MUC5B: variants seen among roughly 807,000 people sequenced by gnomAD.
MUC5B encodes mucin-5B.
A neutral mutation model predicts 376.9 loss-of-function variants in MUC5B; 116 were observed. That is an observed-to-expected ratio of 0.31 (90% CI 0.26 to 0.36). The LOEUF (loss-of-function observed/expected upper bound fraction) is 0.36. Ranked by LOEUF, MUC5B falls within the 10% of genes least tolerant of loss-of-function variation. MUC5B has a pLI of 1.00. For missense variants in MUC5B, 7,165 were observed against 7,769.9 expected, an observed-to-expected ratio of 0.92 and a Z score of 2.93; for synonymous variants, 3,517 against 3,390.9, an observed-to-expected ratio of 1.04 and a Z score of -1.29.
rs1861793438 is a variant in MUC5B at position 1,223,121 on chromosome 11, A to G, written c.-3A>G. 1 of 593,468 alleles carries G rather than the reference A, an allele frequency of 1.7e-6. No individual in the cohort carries two copies. Among genetic ancestry groups the G allele is most frequent in the Non-Finnish European group, 3.1e-6 (1 of 317,626 alleles). The allele number at this position is 593,468 out of a possible 1,614,324, so 36.8% of individuals were successfully genotyped here. A position where few individuals can be genotyped will look rare whatever the true frequency, so the allele number is the denominator to read the frequency against. On this transcript the variant is annotated 5_prime_UTR_variant, in exon 1 of 49. Transcript: ENST00000529681. The stretch of plus-strand genomic sequence containing the variant: ...CGTCCCCCCACCCGTGCCAGCCCCC[A>G]GGATGGGTGCCCCGAGCGCGTGCCG...
rs1862486176 is a variant in MUC5B at position 1,246,798 on chromosome 11, C to A, written c.9918C>A (p.Thr3306=). ...PSSTPGTAHT[T]KVPTTTTTGF... is the part of the protein sequence containing the mutation. Reference sequence around the variant, plus strand: ...CCACCCCAGGAACAGCTCACACTACCAAAGTGCCGACTACCACAACCACGG... The same window carrying A: ...CCACCCCAGGAACAGCTCACACTACAAAAGTGCCGACTACCACAACCACGG... Residue 3306 remains threonine, a synonymous_variant, in exon 31 of 49, where the codon ACC becomes ACA. Transcript: ENST00000529681. The A allele has an allele frequency of 2.5e-6, 4 of 1,607,736 alleles. No individual in the cohort carries two copies. Among genetic ancestry groups the A allele is most frequent in the Middle Eastern group, 1.7e-4 (1 of 5,912 alleles).
In MUC5B at chr11:1,250,880, C is replaced by G. The variant is rs766268373; in HGVS notation, c.14000C>G (p.Pro4667Arg). 2.6e-5 allele frequency: 42 copies of G among 1,591,976 alleles called. No homozygotes were observed. Among genetic ancestry groups the G allele is most frequent in the Non-Finnish European group, 3.6e-5 (42 of 1,169,254 alleles). The part of the protein sequence containing the change: ...TTVATGSMAT[P>R]SSSTQTSGTP... ...GTGGCCACTGGTTCTATGGCAACAC[C>G]CTCCTCTAGCACACAGACCAGTGGT... The change falls in exon 31 of 49, where the codon CCC (proline) becomes CGC (arginine). Residue 4667 changes from proline (P) to arginine (R), a missense_variant. Pro to Arg is a moderately radical substitution (Grantham distance 103). Coordinates refer to ENST00000529681, the MANE Select transcript of MUC5B (RefSeq NM_002458.3).
intron 11 of MUC5B, 139 bp downstream of exon 11, chr11:1,230,282 G>A: frequency 7.7e-7 from 1 of 1,298,304 alleles, no homozygotes; most frequent in Non-Finnish European, 1.1e-6. Context: ...TCCCCATGAT[G>A]GTCATAGAGG....
In MUC5B at chr11:1,245,087, C is replaced by T; in HGVS notation, c.8207C>T (p.Ser2736Phe). 1 of 1,542,510 alleles carries T rather than the reference C, an allele frequency of 6.5e-7. No individual in the cohort carries two copies. Among genetic ancestry groups the T allele is most frequent in the South Asian group, 1.2e-5 (1 of 83,800 alleles). Residue 2736 changes from serine to phenylalanine, a missense_variant, in exon 31 of 49, where the codon TCC becomes TTC. By Grantham distance (155) the Ser-to-Phe change is radical. Coordinates refer to ENST00000529681, the MANE Select transcript of MUC5B (RefSeq NM_002458.3). ...GCCACCAGCAGCACAGTGACTCCCT[C>T]CTCTGCCCTAGGGACCACCCACACA... ...PAATSSTVTP[S>F]SALGTTHTPP...
intron 34 of MUC5B, 101 bp from the exon 35 acceptor site, chr11:1,254,593 G>A (rs1460806713): frequency 7.6e-7 from 1 of 1,311,968 alleles, no homozygotes; most frequent in Non-Finnish European, 1.0e-6. Flanking sequence ...GGATACACAG[G>A]GGGGTCTCTG....
rs1220570310 is a variant in MUC5B at position 1,241,148 on chromosome 11, G to A, written c.4268G>A (p.Arg1423Gln). ...CCGCTCTGTCACGACTACGAGCTGC[G>A]GGTTCTCTGCTGCGAATACGTGCCC... ...SPPLCHDYEL[R>Q]VLCCEYVPCG... is the part of the protein sequence containing the mutation. Residue 1423 changes from arginine (R) to glutamine (Q), a missense_variant, in exon 31 of 49, where the codon CGG (arginine) becomes CAG (glutamine). By Grantham distance (43) the Arg-to-Gln change is conservative (BLOSUM62 1). Around this residue, in one of 31 missense-constraint regions of MUC5B, gnomAD observed 517 missense variants for 545.3 expected, o/e 0.95. Coordinates refer to ENST00000529681, the MANE Select transcript of MUC5B (RefSeq NM_002458.3). 1.9e-6 allele frequency: 3 copies of A among 1,608,164 alleles called. No individual in the cohort carries two copies. Among genetic ancestry groups the A allele is most frequent in the Non-Finnish European group, 2.5e-6 (3 of 1,177,586 alleles).
chr11:1,234,308 G>A lies in MUC5B; in HGVS notation c.2478+3G>A, dbSNP rs1261306492. ...GCCACACGCTGGACGTGGGCTGTGTGAGTTCCATGCTTCAGGGAGGGGTGG... is the reference window on the plus strand; with the variant it reads ...GCCACACGCTGGACGTGGGCTGTGTAAGTTCCATGCTTCAGGGAGGGGTGG... On this transcript the variant is annotated splice_donor_region_variant and intron_variant, in intron 20 of 48. Transcript: ENST00000529681. The surrounding 1 kb of genome is among the most constrained non-coding windows in gnomAD (Gnocchi z 6.3). The A allele has an allele frequency of 2.0e-6, 3 of 1,529,314 alleles. No homozygotes were observed. Among genetic ancestry groups the A allele is most frequent in the Admixed American group, 1.7e-5 (1 of 58,470 alleles). The allele number at this position is 1,529,314 out of a possible 1,614,324, so 94.7% of individuals were successfully genotyped here. A position where few individuals can be genotyped will look rare whatever the true frequency, so the allele number is the denominator to read the frequency against.
chr11:1,253,729 T>G lies in MUC5B; in HGVS notation c.15218-363T>G, dbSNP rs1590190662. On this transcript the variant is annotated intron_variant, in intron 33 of 48. Coordinates refer to ENST00000529681, the MANE Select transcript of MUC5B (RefSeq NM_002458.3). The surrounding 1 kb of genome is among the most constrained non-coding windows in gnomAD (Gnocchi z 4.3). ...CATCCCTCCGATCTCTGCCTCTGCC[T>G]CTCTGTGGCCTCCCCTCTCTGTGTC... Among the ~76,000 whole-genome samples the G allele has an allele frequency of 6.6e-6, 1 of 152,148 alleles. No homozygotes were observed. Among genetic ancestry groups the G allele is most frequent in the Admixed American group, 6.5e-5 (1 of 15,282 alleles).
chr11:1,235,387 T>C lies in MUC5B; in HGVS notation c.2854T>C (p.Ser952Pro). Residue 952 changes from serine to proline, a missense_variant, in exon 23 of 49, where the codon TCC (serine) becomes CCC (proline). Physicochemically the swap from Ser to Pro is moderately conservative, Grantham distance 74. Around this residue, in one of 31 missense-constraint regions of MUC5B, gnomAD observed 530 missense variants for 604.0 expected, o/e 0.88. Transcript: ENST00000529681. Reference protein sequence around the residue: ...IPCGTTGTTCSKAIKLFVESY... With the variant: ...IPCGTTGTTCPKAIKLFVESY... ...CTGTGGGACCACCGGCACCACCTGC[T>C]CCAAGGCCATCAAGCTCTTCGTGGA... 6.2e-7 allele frequency: 1 copy of C among 1,610,760 alleles called. No homozygotes were observed. Among genetic ancestry groups the C allele is most frequent in the Non-Finnish European group, 8.5e-7 (1 of 1,179,456 alleles).
chr11:1,245,819 C>T lies in MUC5B; in HGVS notation c.8939C>T (p.Thr2980Met), dbSNP rs199518432. ...HCPSTPATSS[T>M]ATPSSTPGTT... ...CCCAGCACCCCGGCCACCAGCTCTACGGCCACGCCCTCCTCCACTCCAGGG... is the reference window on the plus strand; with the variant it reads ...CCCAGCACCCCGGCCACCAGCTCTATGGCCACGCCCTCCTCCACTCCAGGG... The change falls in exon 31 of 49, where the codon ACG becomes ATG. Residue 2980 changes from threonine to methionine, a missense_variant. This residue lies in a region of MUC5B where 939 missense variants were observed against 770.6 expected (regional missense o/e 1.22). Coordinates refer to ENST00000529681, the MANE Select transcript of MUC5B (RefSeq NM_002458.3). 2,237 of 1,613,456 alleles carry T rather than the reference C, an allele frequency of 1.4e-3. 8 individuals carry two copies. The highest frequency in any genetic ancestry group is 3.4e-3 in the Admixed American group (207 of 60,006).
intron 23 of MUC5B, 40 bp downstream of exon 23, chr11:1,235,453 G>A (rs1452005395): frequency 1.9e-6 from 3 of 1,547,538 alleles, no homozygotes; most frequent in African/African-American, 1.4e-5. Context: ...CGACCCTGCA[G>A]CCAACGAGCC....
intron 44 of MUC5B, 51 bp from the exon 45 acceptor site, chr11:1,259,705 G>A (rs1471494007): frequency 5.7e-6 from 9 of 1,589,296 alleles, no homozygotes; most frequent in South Asian, 1.1e-5. Flanking sequence ...CTGGGCCGGG[G>A]CATGTGCTGG....
At chr11:1,225,829 C>A in intron 2 of MUC5B, 92 bp downstream of exon 2, 1 of 1,267,512 alleles carries the variant, frequency 7.9e-7, no homozygotes, top group Non-Finnish European at 1.1e-6. Flanking sequence ...TCCAAGCAGC[C>A]ATGCGTCTGA....
rs765416212 is a variant in MUC5B, at chr11:1,246,584, C to G, written c.9704C>G (p.Thr3235Ser). The change falls in exon 31 of 49, where the codon ACC becomes AGC. Residue 3235 changes from threonine to serine, a missense_variant. This residue lies in a region of MUC5B where 939 missense variants were observed against 770.6 expected (regional missense o/e 1.22). Coordinates refer to ENST00000529681, the MANE Select transcript of MUC5B (RefSeq NM_002458.3). ...LRSTATTPTA[T>S]SVTAIPSSSL... ...AGCACAGCCACCACACCCACAGCTA[C>G]CAGCGTTACAGCCATCCCCTCTTCC... 9.3e-6 allele frequency: 15 copies of G among 1,613,280 alleles called. No individual in the cohort carries two copies. In the African/African-American group the frequency reaches 2.0e-4, roughly 22 times the overall value.
chr11:1,256,980 C>T (rs1319719974), intron 39 of MUC5B, among the ~76,000 whole-genome samples: 10 of 152,148 alleles, frequency 6.6e-5, no homozygotes. Flanking sequence ...CACAGGGAGG[C>T]TCTGTCCTTG....
In MUC5B at chr11:1,244,383, G is replaced by A. The variant is rs770121573; in HGVS notation, c.7503G>A (p.Thr2501=). Residue 2501 remains threonine (T), a synonymous_variant, in exon 31 of 49, where the codon ACG becomes ACA. Transcript: ENST00000529681. ...AGTPHVSTTA[T]TPTVTSSKAT... ...CCCCACATGTGAGCACCACGGCCAC[G>A]ACACCCACAGTCACCAGCTCCAAAG... 15 of 1,591,630 alleles carry A rather than the reference G, an allele frequency of 9.4e-6. No homozygotes were observed. In the South Asian group the frequency reaches 1.0e-4, roughly 11 times the overall value.
chr11:1,235,157 C>A lies in MUC5B; in HGVS notation c.2703C>A (p.Gly901=). Residue 901 remains glycine, a synonymous_variant, in exon 22 of 49, where the codon GGC becomes GGA. Coordinates refer to ENST00000529681, the MANE Select transcript of MUC5B (RefSeq NM_002458.3). The stretch of plus-strand genomic sequence containing the variant: ...GCACCTGCGTGGCCTACGGGGATGG[C>A]CACTTCATCACCTTTGATGGCGATC... ...CLGTCVAYGD[G]HFITFDGDRY... 6.2e-7 allele frequency: 1 copy of A among 1,613,028 alleles called. No homozygotes were observed. Among genetic ancestry groups the A allele is most frequent in the Non-Finnish European group, 8.5e-7 (1 of 1,179,700 alleles).
chr11:1,254,408 G>A, intron 34 of MUC5B, 57 bp downstream of exon 34: 4 of 1,581,250 alleles, frequency 2.5e-6, no homozygotes, highest in Non-Finnish European at 2.6e-6. Flanking sequence ...CACCTGGGCA[G>A]GCCGACTGCA....
At position 1,259,992 on chromosome 11, in the gene MUC5B, G is replaced by A. The variant is rs1862954723; in HGVS notation, c.16830G>A (p.Val5610=). ...QLNETWVNSH[V]DNCTVYLCEA... is the part of the protein sequence containing the mutation. ...ATGAAACCTGGGTCAACAGCCATGT[G>A]GACAACTGCACCGTGTACCTCTGTG... The change falls in exon 46 of 49, where the codon GTG becomes GTA. Residue 5610 remains valine, a synonymous_variant. Transcript: ENST00000529681. 1 of 1,612,814 alleles carries A rather than the reference G, an allele frequency of 6.2e-7. No homozygotes were observed.
Sources: allele counts gnomAD v4.1 joint callset (sites outside exome capture counted in the v4.1 genomes callset), GRCh38; gene constraint gnomAD v4.1.1; regional missense constraint gnomAD v4.1.1; non-coding constraint Gnocchi (gnomAD v3.1); transcripts MANE v1.5; gene names NCBI Gene and HGNC (gene_info 2026-07-23, HGNC 2026-07-21).